Variants in ACTR5 observed in about 807,000 individuals in gnomAD.
ACTR5 encodes actin-related protein 5.
A neutral mutation model predicts 61.2 loss-of-function variants in ACTR5; 43 were observed. The ratio of observed to expected loss-of-function variants is 0.70; its 90% CI spans 0.55 to 0.91. ACTR5 has a LOEUF of 0.91. ACTR5 is among the 40% of genes least tolerant of loss of function. The pLI is 0.00. For synonymous variants in ACTR5, 333 were observed against 310.5 expected (o/e 1.07, Z -0.76); for missense variants, 798 against 782.2 (o/e 1.02, Z -0.24).
chr20:38,754,979 T>C lies in ACTR5; in HGVS notation c.798T>C (p.Pro266=). The change falls in exon 4 of 9, where the codon CCT becomes CCC. Residue 266 remains proline, a synonymous_variant. Transcript: ENST00000243903. ...YVEELHKWRC[P]DYYENNVHKM... ...AAGAATTACACAAATGGCGGTGTCCTGATTATTATGAGAATAATGTCCACA... is the reference window on the plus strand; with the variant it reads ...AAGAATTACACAAATGGCGGTGTCCCGATTATTATGAGAATAATGTCCACA... 1 of 1,614,214 alleles carries C rather than the reference T, an allele frequency of 6.2e-7. No homozygotes were observed. The highest frequency in any genetic ancestry group is 8.5e-7 in the Non-Finnish European group (1 of 1,180,036).
At position 38,767,523 on chromosome 20, in the gene ACTR5, C is replaced by T. The variant is rs1242405975; in HGVS notation, c.1493C>T (p.Thr498Met). The change falls in exon 8 of 9, where the codon ACG (threonine) becomes ATG (methionine). Residue 498 changes from threonine to methionine, a missense_variant. By Grantham distance (81) the Thr-to-Met change is moderately conservative. Coordinates refer to ENST00000243903, the MANE Select transcript of ACTR5 (RefSeq NM_024855.4). Reference sequence around the variant, plus strand: ...AACGTTTTCCTCACTGGCGGCAACACGATGTATCCTGGCATGAAAGCCAGA... The same window carrying T: ...AACGTTTTCCTCACTGGCGGCAACATGATGTATCCTGGCATGAAAGCCAGA... ...VQNVFLTGGN[T>M]MYPGMKARME... is the part of the protein sequence containing the mutation. 5 of 1,614,068 alleles carry T rather than the reference C, an allele frequency of 3.1e-6. No individual in the cohort carries two copies. Among genetic ancestry groups the T allele is most frequent in the Middle Eastern group, 1.6e-4 (1 of 6,062 alleles).
intron 5 of ACTR5, among the ~76,000 whole-genome samples, chr20:38,757,713 T>C (rs1415582937): frequency 2.0e-5 from 3 of 151,622 alleles, no homozygotes; most frequent in Non-Finnish European, 4.4e-5. Context: ...TTGCATCCTC[T>C]ACATCTCATT....
At position 38,767,523 on chromosome 20, in the gene ACTR5, C is replaced by G. The variant is rs1242405975; in HGVS notation, c.1493C>G (p.Thr498Arg). 6.2e-7 allele frequency: 1 copy of G among 1,613,950 alleles called. No homozygotes were observed. Among genetic ancestry groups the G allele is most frequent in the Non-Finnish European group, 8.5e-7 (1 of 1,180,006 alleles). ...AACGTTTTCCTCACTGGCGGCAACA[C>G]GATGTATCCTGGCATGAAAGCCAGA... is the stretch of plus-strand genomic sequence containing the variant. ...VQNVFLTGGNTMYPGMKARME... is the reference protein window; with the variant it reads ...VQNVFLTGGNRMYPGMKARME... Residue 498 changes from threonine to arginine, a missense_variant, in exon 8 of 9, where the codon ACG becomes AGG. Thr to Arg is a moderately conservative substitution (Grantham distance 71). Coordinates refer to ENST00000243903, the MANE Select transcript of ACTR5 (RefSeq NM_024855.4).
At chr20:38,770,989 A>G (rs1447601948) in intron 8 of ACTR5, among the ~76,000 whole-genome samples, 1 of 152,228 alleles carries the variant, frequency 6.6e-6, no homozygotes, top group African/African-American at 2.4e-5. Flanking sequence ...CAGTGTTACC[A>G]TAATGATCAG....
At chr20:38,769,055 T>G (rs2084504675) in intron 8 of ACTR5, among the ~76,000 whole-genome samples, 1 of 152,202 alleles carries the variant, frequency 6.6e-6, no homozygotes, top group African/African-American at 2.4e-5. Context: ...GTTCTGACCT[T>G]AAGAACTGTC....
chr20:38,756,700 T>G (rs1284518902), intron 5 of ACTR5, among the ~76,000 whole-genome samples: 2 of 151,872 alleles, frequency 1.3e-5, no homozygotes, highest in East Asian at 3.9e-4. Context: ...AGGTCAGGAG[T>G]TCAAGACCAG....
At chr20:38,769,983 T>C (rs2084510560) in intron 8 of ACTR5, among the ~76,000 whole-genome samples, 1 of 152,206 alleles carries the variant, frequency 6.6e-6, no homozygotes, top group African/African-American at 2.4e-5. Flanking sequence ...AAGATCTATT[T>C]CTTGGTAATT....
intron 8 of ACTR5, among the ~76,000 whole-genome samples, chr20:38,770,867 C>T (rs1293901751): frequency 6.6e-6 from 1 of 152,176 alleles, no homozygotes; most frequent in Admixed American, 6.5e-5. Context: ...CCCGAAAGTT[C>T]TGAAATCACC....
chr20:38,748,892 G>A (rs1281171384), intron 1 of ACTR5, 39 bp downstream of exon 1: 15 of 1,567,332 alleles, frequency 9.6e-6, no homozygotes, highest in Non-Finnish European at 1.3e-5. Context: ...TGGGTTTGAG[G>A]GGAGGGGTGC....
At chr20:38,766,854 C>T (rs1215900918) in intron 7 of ACTR5, among the ~76,000 whole-genome samples, 2 of 152,042 alleles carry the variant, frequency 1.3e-5, no homozygotes, top group Non-Finnish European at 2.9e-5. Flanking sequence ...TCAAGTTGGG[C>T]AAGTAGAGAA....
rs746421999 is a variant in ACTR5, at chr20:38,755,153, G to C, written c.972G>C (p.Leu324=). Residue 324 remains leucine, a synonymous_variant, in exon 4 of 9, where the codon CTG becomes CTC. Coordinates refer to ENST00000243903, the MANE Select transcript of ACTR5 (RefSeq NM_024855.4). Reference sequence around the variant, plus strand: ...AGCTGCAGCTGGATCAGGAGCGTCTGGACCGACTGCTATATGTGCAGGTAA... The same window carrying C: ...AGCTGCAGCTGGATCAGGAGCGTCTCGACCGACTGCTATATGTGCAGGTAA... The part of the protein sequence containing the change: ...EEKLQLDQER[L]DRLLYVQELL... 6.2e-7 allele frequency: 1 copy of C among 1,612,332 alleles called. No homozygotes were observed. Among genetic ancestry groups the C allele is most frequent in the African/African-American group, 1.3e-5 (1 of 74,912 alleles).
intron 5 of ACTR5, among the ~76,000 whole-genome samples, chr20:38,765,200 A>G (rs2084478698): frequency 6.6e-6 from 1 of 152,174 alleles, no homozygotes; most frequent in South Asian, 2.1e-4. Flanking sequence ...AAGGTAGGAG[A>G]TCAAAGCAAA....
At chr20:38,758,690 T>C (rs1196475061) in intron 5 of ACTR5, among the ~76,000 whole-genome samples, 2 of 152,008 alleles carry the variant, frequency 1.3e-5, no homozygotes, top group Non-Finnish European at 2.9e-5. Flanking sequence ...GCTTTAATGG[T>C]TAGTCAGCAT....
intron 3 of ACTR5, among the ~76,000 whole-genome samples, chr20:38,754,537 G>A (rs868638259): frequency 6.6e-6 from 1 of 151,762 alleles, no homozygotes; most frequent in African/African-American, 2.4e-5. Context: ...GGTAACATGG[G>A]GAAACCCCAT....
intron 6 of ACTR5, 36 bp downstream of exon 6, chr20:38,765,554 T>C (rs1353064029): frequency 6.4e-7 from 1 of 1,551,458 alleles, no homozygotes; most frequent in Non-Finnish European, 8.9e-7. Context: ...GCTTATTCTT[T>C]GAAGGTGTTG....
chr20:38,753,516 G>C (rs1266103267), intron 3 of ACTR5, among the ~76,000 whole-genome samples: 7 of 152,054 alleles, frequency 4.6e-5, no homozygotes, highest in Non-Finnish European at 1.5e-5. Flanking sequence ...TGATAGAGAA[G>C]AAGTGAGGGA....
chr20:38,748,772 C>A lies in ACTR5; in HGVS notation c.294C>A (p.Phe98Leu). 1 of 1,606,610 alleles carries A rather than the reference C, an allele frequency of 6.2e-7. No homozygotes were observed. ...EPLRWMLRSPFDRNVPVNLEL... is the reference protein window; with the variant it reads ...EPLRWMLRSPLDRNVPVNLEL... ...TGCGCTGGATGCTGCGCTCGCCCTT[C>A]GACCGCAACGTGCCGGTCAACCTGG... is the stretch of plus-strand genomic sequence containing the variant. Residue 98 changes from phenylalanine to leucine, a missense_variant, in exon 1 of 9, where the codon TTC becomes TTA. Phe to Leu is a conservative substitution (Grantham distance 22). Transcript: ENST00000243903.
intron 5 of ACTR5, among the ~76,000 whole-genome samples, chr20:38,760,013 T>G (rs1568636312): frequency 6.6e-6 from 1 of 151,204 alleles, no homozygotes; most frequent in Non-Finnish European, 1.5e-5. Flanking sequence ...AAAATTTTTT[T>G]AATTAGCTGG....
In ACTR5 at chr20:38,750,126, A is replaced by G; in HGVS notation, c.492A>G (p.Gly164=). The G allele has an allele frequency of 6.2e-7, 1 of 1,614,146 alleles. No homozygotes were observed. Among genetic ancestry groups the G allele is most frequent in the Non-Finnish European group, 8.5e-7 (1 of 1,180,006 alleles). ...ACGGGATTCCCAAGGTTGCCTATGG[A>G]ATAGACAGCCTCTTCAGCTTCTACC... The part of the protein sequence containing the change: ...ECYGIPKVAY[G]IDSLFSFYHN... Residue 164 remains glycine (G), a synonymous_variant, in exon 2 of 9, where the codon GGA becomes GGG. Transcript: ENST00000243903.
Sources: allele counts gnomAD v4.1 joint callset (sites outside exome capture counted in the v4.1 genomes callset), GRCh38; gene constraint gnomAD v4.1.1; transcripts MANE v1.5; gene names NCBI Gene and HGNC (gene_info 2026-07-23, HGNC 2026-07-21).